ZNF385D: variants seen among roughly 807,000 people sequenced by gnomAD.
The protein encoded by ZNF385D is zinc finger protein 385D.
In ZNF385D, 15 loss-of-function variants were observed where a neutral mutation model predicts 35.8. The observed-to-expected ratio is 0.42, with a 90% CI of 0.28 to 0.64. The LOEUF is 0.64. Among genes scored for constraint, ZNF385D ranks in the 30% least tolerant of loss-of-function variants. ZNF385D has a pLI of 0.23. For missense variants in ZNF385D, 474 were observed against 494.6 expected, an observed-to-expected ratio of 0.96 and a Z score of 0.39; for synonymous variants, 212 against 186.8, an observed-to-expected ratio of 1.13 and a Z score of -1.10.
intron 2 of ZNF385D, among the ~76,000 whole-genome samples, chr3:22,369,826 G>A (rs896513717): frequency 1.3e-5 from 2 of 152,072 alleles, no homozygotes; most frequent in African/African-American, 2.4e-5. Flanking sequence ...TTTATAGACA[G>A]TACTAACATT....
chr3:22,162,178 C>G (rs1265775161), intron 3 of ZNF385D, among the ~76,000 whole-genome samples: 2 of 152,086 alleles, frequency 1.3e-5, no homozygotes, highest in Admixed American at 1.3e-4. Flanking sequence ...GTTGCATTTG[C>G]ACAATAAAAC....
chr3:21,969,806 G>A (rs1286657137), intron 3 of ZNF385D, among the ~76,000 whole-genome samples: 3 of 151,740 alleles, frequency 2.0e-5, no homozygotes, highest in African/African-American at 4.8e-5. Flanking sequence ...GGTGGTGGGT[G>A]GCTTCAGGGG....
At chr3:21,674,255 T>C (rs1254851483) in intron 1 of ZNF385D, among the ~76,000 whole-genome samples, 2 of 152,114 alleles carry the variant, frequency 1.3e-5, no homozygotes. Context: ...CAGTCATTTA[T>C]GTGGGTCGCA....
intron 2 of ZNF385D, among the ~76,000 whole-genome samples, chr3:22,188,071 T>G (rs1427688780): frequency 6.6e-6 from 1 of 152,122 alleles, no homozygotes; most frequent in Non-Finnish European, 1.5e-5. Context: ...AAATGGAGTG[T>G]ACACAGGAAT....
intron 3 of ZNF385D, among the ~76,000 whole-genome samples, chr3:21,532,461 G>C (rs557119117): frequency 6.6e-6 from 1 of 152,066 alleles, no homozygotes; most frequent in South Asian, 2.1e-4. Context: ...ATCACAATTA[G>C]CTGAATATGG....
chr3:22,044,620 T>C (rs1422551349), intron 3 of ZNF385D, among the ~76,000 whole-genome samples: 1 of 151,960 alleles, frequency 6.6e-6, no homozygotes, highest in Non-Finnish European at 1.5e-5. Context: ...AATTTTGGAG[T>C]AAAGGTTTTT....
chr3:22,012,147 T>G (rs777163863), intron 3 of ZNF385D, among the ~76,000 whole-genome samples: 10 of 152,176 alleles, frequency 6.6e-5, no homozygotes, highest in Non-Finnish European at 1.5e-4. Context: ...GAGTTTTCAC[T>G]TTTTTCCTGG....
chr3:22,251,773 A>G (rs1467489419), intron 2 of ZNF385D, among the ~76,000 whole-genome samples: 2 of 152,072 alleles, frequency 1.3e-5, no homozygotes, highest in African/African-American at 4.8e-5. Context: ...ATAATATAGC[A>G]CAGTGGTTCA....
chr3:22,372,593 G>A (rs922343683), exon 2 of ZNF385D: 69 of 933,800 alleles, frequency 7.4e-5, no homozygotes, highest in African/African-American at 7.1e-5. Flanking sequence ...TGTCCCGGGA[G>A]ACGCACGGCT....
At chr3:22,366,304 T>C (rs1696654074) in intron 2 of ZNF385D, among the ~76,000 whole-genome samples, 1 of 152,170 alleles carries the variant, frequency 6.6e-6, no homozygotes, top group Non-Finnish European at 1.5e-5. Flanking sequence ...CTATTATTTA[T>C]ACACTGGTCT....
intron 2 of ZNF385D, among the ~76,000 whole-genome samples, chr3:21,662,066 G>T (rs1295845553): frequency 6.6e-6 from 1 of 152,132 alleles, no homozygotes; most frequent in Middle Eastern, 3.2e-3. Flanking sequence ...ACCAGGCAGA[G>T]AGTCTCTGAT....
At chr3:22,043,026 A>G (rs1353531432) in intron 3 of ZNF385D, among the ~76,000 whole-genome samples, 1 of 152,194 alleles carries the variant, frequency 6.6e-6, no homozygotes, top group Non-Finnish European at 1.5e-5. Context: ...GAGCTTAACA[A>G]GGCTCCAAAC....
chr3:21,837,509 C>T (rs1256582612), intron 3 of ZNF385D, among the ~76,000 whole-genome samples: 3 of 152,104 alleles, frequency 2.0e-5, no homozygotes, highest in East Asian at 3.9e-4. Context: ...AGGTGCATGG[C>T]TTTGGAATTT....
chr3:22,008,550 G>T (rs1696366017), intron 3 of ZNF385D, among the ~76,000 whole-genome samples: 2 of 152,024 alleles, frequency 1.3e-5, no homozygotes, highest in African/African-American at 2.4e-5. Context: ...TAGAGACGGG[G>T]TTTCACCGTG....
intron 2 of ZNF385D, among the ~76,000 whole-genome samples, chr3:22,320,472 A>T (rs1694360853): frequency 6.6e-6 from 1 of 151,714 alleles, no homozygotes; most frequent in Non-Finnish European, 1.5e-5. Flanking sequence ...TAATGCCCGG[A>T]TAGTTCTGAA....
intron 3 of ZNF385D, among the ~76,000 whole-genome samples, chr3:22,030,255 T>TCA (rs1697854481): frequency 1.1e-4 from 3 of 27,922 alleles, no homozygotes; most frequent in South Asian, 1.3e-3. Flanking sequence ...ATAAACTCAT[T>TCA]CATATATATA....
At chr3:22,358,070 C>T (rs977639046) in intron 2 of ZNF385D, among the ~76,000 whole-genome samples, 2 of 151,788 alleles carry the variant, frequency 1.3e-5, no homozygotes, top group Non-Finnish European at 2.9e-5. Context: ...CAGTACTGGG[C>T]ACTCAATAAA....
At chr3:22,147,925 A>G (rs1045080325) in intron 3 of ZNF385D, among the ~76,000 whole-genome samples, 3 of 152,218 alleles carry the variant, frequency 2.0e-5, no homozygotes, top group African/African-American at 7.2e-5. Context: ...GCTCCAATAC[A>G]GAAAAAAAGT....
intron 3 of ZNF385D, among the ~76,000 whole-genome samples, chr3:21,871,276 T>C (rs547271706): frequency 2.0e-5 from 3 of 152,256 alleles, no homozygotes; most frequent in South Asian, 2.1e-4. Context: ...CAATGTCACA[T>C]TGTCAAAATG....
Sources: allele counts gnomAD v4.1 joint callset (sites outside exome capture counted in the v4.1 genomes callset), GRCh38; gene constraint gnomAD v4.1.1; transcripts MANE v1.5; gene names NCBI Gene and HGNC (gene_info 2026-07-23, HGNC 2026-07-21).